Variants in CDC42BPB observed in about 807,000 individuals in gnomAD.
CDC42BPB encodes the protein CDC42 binding protein kinase beta, also known as serine/threonine-protein kinase MRCK beta.
Under a neutral mutation model 214.9 loss-of-function variants are expected in CDC42BPB, and 37 were observed. The ratio of observed to expected loss-of-function variants is 0.17; its 90% CI spans 0.13 to 0.23. The LOEUF (loss-of-function observed/expected upper bound fraction) is 0.23. Ranked by LOEUF, CDC42BPB falls within the 10% of genes least tolerant of loss-of-function variation. The pLI is 1.00. For synonymous variants in CDC42BPB, 931 were observed against 884.0 expected (o/e 1.05, Z -0.94); for missense variants, 1,694 against 2,227.0 (o/e 0.76, Z 4.82).
chr14:102,938,447 T>G, intron 34 of CDC42BPB, 36 bp from the exon 35 acceptor site: 1 of 1,509,900 alleles, frequency 6.6e-7, no homozygotes, highest in Non-Finnish European at 8.8e-7. Context: ...CATGCTTGGT[T>G]GACACCCGGC....
At chr14:102,938,014 T>C (rs535862432) in intron 36 of CDC42BPB, 90 bp downstream of exon 36, 3 of 1,398,404 alleles carry the variant, frequency 2.1e-6, no homozygotes, top group Non-Finnish European at 3.0e-6. Context: ...AAAAGGGCTG[T>C]GACACCACCC....
intron 26 of CDC42BPB, among the ~76,000 whole-genome samples, chr14:102,948,996 C>T (rs1480135668): frequency 6.6e-6 from 1 of 152,126 alleles, no homozygotes; most frequent in East Asian, 1.9e-4. Flanking sequence ...GCCCTGCCCC[C>T]AAGAACCAAT....
intron 21 of CDC42BPB, among the ~76,000 whole-genome samples, chr14:102,956,915 A>C (rs1013174698): frequency 3.3e-5 from 5 of 150,812 alleles, no homozygotes; most frequent in African/African-American, 9.8e-5. Context: ...ATGGTGGCTC[A>C]CACCTGTAAT....
At position 102,944,575 on chromosome 14, in the gene CDC42BPB, A is replaced by T; in HGVS notation, c.3812-88T>A. 1 of 1,528,558 alleles carries T rather than the reference A, an allele frequency of 6.5e-7. No homozygotes were observed. The highest frequency in any genetic ancestry group is 8.8e-7 in the Non-Finnish European group (1 of 1,139,160). The allele number at this position is 1,528,558 out of a possible 1,614,324, so 94.7% of individuals were successfully genotyped here. A position where few individuals can be genotyped will look rare whatever the true frequency, so the allele number is the denominator to read the frequency against. On this transcript the variant is annotated intron_variant, in intron 29 of 36. Coordinates refer to ENST00000361246, the MANE Select transcript of CDC42BPB (RefSeq NM_006035.4). This position sits in a 1 kb window ranked among gnomAD's most constrained non-coding sequence, Gnocchi z 6.6. ...GGCCTTGGCTAAAGACTTGCCTGGAACACTCTGGGGCCCTCCCCTGGGCTC... is the reference window on the plus strand; with the variant it reads ...GGCCTTGGCTAAAGACTTGCCTGGATCACTCTGGGGCCCTCCCCTGGGCTC...
Position 102,963,156 on chromosome 14 carries a change from C to A in CDC42BPB, c.2727-1G>T. 6.3e-7 allele frequency: 1 copy of A among 1,588,882 alleles called. No homozygotes were observed. The highest frequency in any genetic ancestry group is 1.1e-5 in the South Asian group (1 of 88,810). On this transcript the variant is annotated splice_acceptor_variant, in intron 19 of 36. Transcript: ENST00000361246. LOFTEE classifies it high-confidence loss of function. ...TTTGGCTTCGGAATCCTTTAGTTTG[C>A]TAAAATAAAAAATAAATGGCTTTAA...
In CDC42BPB at chr14:102,945,037, C is replaced by T. The variant is rs566391204; in HGVS notation, c.3812-550G>A. On this transcript the variant is annotated intron_variant, in intron 29 of 36. Coordinates refer to ENST00000361246, the MANE Select transcript of CDC42BPB (RefSeq NM_006035.4). ...CGCCCTCACACGGCCCCCAGGCTAACCCAAGCCCCTCGCTTGCTCAGATCT... is the reference window on the plus strand; with the variant it reads ...CGCCCTCACACGGCCCCCAGGCTAATCCAAGCCCCTCGCTTGCTCAGATCT... 4.1e-4 allele frequency: 128 copies of T among 314,492 alleles called. 3 individuals carry two copies. Among genetic ancestry groups the T allele is most frequent in the South Asian group, 3.1e-3 (125 of 40,376 alleles). 19.5% of individuals were successfully genotyped at this position (314,492 alleles called of 1,614,324 possible).
In CDC42BPB at chr14:103,001,335, C is replaced by T. The variant is rs768589322; in HGVS notation, c.448-1622G>A. 6.6e-6 allele frequency among the ~76,000 whole-genome samples: 1 copy of T among 152,236 alleles called. No homozygotes were observed. The highest frequency in any genetic ancestry group is 1.5e-5 in the Non-Finnish European group (1 of 68,048). On this transcript the variant is annotated intron_variant, in intron 4 of 36. Transcript: ENST00000361246. The surrounding 1 kb of genome is among the most constrained non-coding windows in gnomAD (Gnocchi z 5.8). ...GGTCCCTGGCTCAGCAGAGCTCACA[C>T]TGGGGGCGGGAGAGACCGTGGCCAG...
At chr14:103,050,454 C>G (rs535418523) in intron 1 of CDC42BPB, among the ~76,000 whole-genome samples, 3 of 152,290 alleles carry the variant, frequency 2.0e-5, no homozygotes, top group South Asian at 4.1e-4. Context: ...GGCAGGTTAA[C>G]ATGACCTCCC....
At position 102,964,517 on chromosome 14, in the gene CDC42BPB, T is replaced by A. The variant is rs200090522; in HGVS notation, c.2711A>T (p.Asn904Ile). 1.9e-6 allele frequency: 3 copies of A among 1,613,690 alleles called. No homozygotes were observed. Among genetic ancestry groups the A allele is most frequent in the Admixed American group, 1.7e-5 (1 of 60,008 alleles). The change falls in exon 19 of 37, where the codon AAC (asparagine) becomes ATC (isoleucine). Residue 904 changes from asparagine to isoleucine, a missense_variant. Around this residue, in one of 7 missense-constraint regions of CDC42BPB, gnomAD observed 156 missense variants for 154.5 expected, o/e 1.01. Transcript: ENST00000361246. ...CACCAAGTACCTTTCCAAGGTGAGG[T>A]TGGCGTCCTTGACCTTCCTGAGCTC... is the stretch of plus-strand genomic sequence containing the variant. Reference protein sequence around the residue: ...QEELRKVKDANLTLESKLKDS... With the variant: ...QEELRKVKDAILTLESKLKDS...
intron 1 of CDC42BPB, among the ~76,000 whole-genome samples, chr14:103,043,269 TAAAC>T (rs1367423900): frequency 1.3e-5 from 2 of 151,854 alleles, no homozygotes; most frequent in African/African-American, 2.4e-5. Context: ...ACCAAATAAA[TAAAC>T]AAAAGGTAAA....
chr14:102,939,471 G>A (rs1180133406), intron 34 of CDC42BPB, 139 bp downstream of exon 34: 3 of 670,550 alleles, frequency 4.5e-6, no homozygotes, highest in Admixed American at 5.0e-5. Context: ...AGACGGGCTT[G>A]TGTGACAGGA....
At chr14:102,981,074 T>A in intron 7 of CDC42BPB, 53 bp from the exon 8 acceptor site, 2 of 1,610,124 alleles carry the variant, frequency 1.2e-6, no homozygotes, top group South Asian at 2.2e-5. Context: ...TCAGAGAGTT[T>A]AAGGTGTACA....
chr14:102,975,914 C>T lies in CDC42BPB; in HGVS notation c.1356G>A (p.Gln452=). The change falls in exon 10 of 37, where the codon CAG becomes CAA. Residue 452 remains glutamine (Q), a synonymous_variant. Transcript: ENST00000361246. ...AYERRIRRLE[Q]EKLELSRKLQ... Reference sequence around the variant, plus strand: ...GCTTCCTGCTCAGCTCCAGCTTCTCCTGTTCCAGCCTCCGAATCCTCCTCT... The same window carrying T: ...GCTTCCTGCTCAGCTCCAGCTTCTCTTGTTCCAGCCTCCGAATCCTCCTCT... The T allele has an allele frequency of 1.9e-6, 3 of 1,614,190 alleles. No homozygotes were observed. The highest frequency in any genetic ancestry group is 2.5e-6 in the Non-Finnish European group (3 of 1,180,032).
chr14:102,933,963 T>C, intron 36 of CDC42BPB, 120 bp from the exon 37 acceptor site: 1 of 1,421,100 alleles, frequency 7.0e-7, no homozygotes, highest in Non-Finnish European at 9.1e-7. Context: ...TCTCCCTTCA[T>C]GTTATGAAAA....
chr14:102,964,311 A>G (rs1839391183), intron 19 of CDC42BPB, among the ~76,000 whole-genome samples, 191 bp downstream of exon 19: 1 of 152,156 alleles, frequency 6.6e-6, no homozygotes, highest in African/African-American at 2.4e-5. Flanking sequence ...CCTCGCGGCC[A>G]CCTCAGTGCC....
At chr14:102,939,272 A>G (rs1259462004) in intron 34 of CDC42BPB, among the ~76,000 whole-genome samples, 1 of 152,256 alleles carries the variant, frequency 6.6e-6, no homozygotes, top group Non-Finnish European at 1.5e-5. Context: ...AAGAGAAAGT[A>G]TGCTATCTGT....
chr14:102,946,313 G>A (rs1807125), intron 28 of CDC42BPB, among the ~76,000 whole-genome samples, 155 bp downstream of exon 28: 887 of 56,570 alleles, frequency 0.016, 7 homozygotes, highest in Non-Finnish European at 0.017. Context: ...GTGAGCCACC[G>A]CACCCGGCCT....
intron 30 of CDC42BPB, among the ~76,000 whole-genome samples, chr14:102,942,169 A>C (rs1421796916): frequency 6.6e-6 from 1 of 152,238 alleles, no homozygotes; most frequent in Non-Finnish European, 1.5e-5. Context: ...AGGGGTGCTG[A>C]GGCAGCGGGA....
At position 102,962,642 on chromosome 14, in the gene CDC42BPB, G is replaced by T. The variant is rs185374480; in HGVS notation, c.2821+419C>A. ...AGGTGGGTGGATTGCCTGAGGTCAG[G>T]AGTTGCAGACCAGCCTGGCCAACGT... On this transcript the variant is annotated intron_variant, in intron 20 of 36. Coordinates refer to ENST00000361246, the MANE Select transcript of CDC42BPB (RefSeq NM_006035.4). Among the ~76,000 whole-genome samples the T allele has an allele frequency of 5.3e-5, 8 of 152,296 alleles. 1 individual carries two copies. The highest frequency in any genetic ancestry group is 6.8e-3 in the Middle Eastern group (2 of 294).
Sources: gnomAD v4.1 joint callset for allele counts (sites outside exome capture counted in the v4.1 genomes callset) on GRCh38, gnomAD v4.1.1 for gene constraint, gnomAD v4.1.1 regional missense constraint, Gnocchi (gnomAD v3.1) non-coding constraint, MANE v1.5 for transcripts, NCBI Gene and HGNC (gene_info 2026-07-23, HGNC 2026-07-21) for gene names.